COXFA4L2: variants seen among roughly 807,000 people sequenced by gnomAD.
COXFA4L2 encodes cytochrome c oxidase hypoxia associated subunit FA4L2.
the COXFA4L2 span, among the ~76,000 whole-genome samples, chr12:57,238,983 C>T: frequency 1.6e-3 from 238 of 152,326 alleles, 1 homozygote; most frequent in African/African-American, 5.5e-3. The surrounding 1 kb of genome is among the most constrained non-coding windows in gnomAD (Gnocchi z 6.8). Context: ...GGTTCCGGAT[C>T]CCATCTCTCC....
the COXFA4L2 span, among the ~76,000 whole-genome samples, chr12:57,239,391 C>T: frequency 6.6e-6 from 1 of 152,226 alleles, no homozygotes; most frequent in South Asian, 2.1e-4. This position sits in a 1 kb window ranked among gnomAD's most constrained non-coding sequence, Gnocchi z 5.5. Flanking sequence ...GACAGTGGGT[C>T]CTGCAGCCTC....
the COXFA4L2 span, chr12:57,235,486 G>C: frequency 3.0e-4 from 445 of 1,493,678 alleles, 2 homozygotes; most frequent in Non-Finnish European, 5.9e-5. Flanking sequence ...TGATGCCTTG[G>C]GGCCTGCGGG....
chr12:57,236,481 G>C, the COXFA4L2 span: 90 of 872,662 alleles, frequency 1.0e-4, 2 homozygotes, highest in South Asian at 1.7e-3. Context: ...GATGCCGGTC[G>C]GTACAGTCGA....
At chr12:57,239,164 G>A in the COXFA4L2 span, among the ~76,000 whole-genome samples, 2 of 152,244 alleles carry the variant, frequency 1.3e-5, no homozygotes, top group Non-Finnish European at 2.9e-5. The surrounding 1 kb of genome is among the most constrained non-coding windows in gnomAD (Gnocchi z 5.5). Context: ...CTGCACAGAG[G>A]GTCAAAGGCA....
the COXFA4L2 span, chr12:57,235,134 GC>G: frequency 5.0e-6 from 1 of 199,350 alleles, no homozygotes; most frequent in Non-Finnish European, 1.1e-5. Flanking sequence ...GCTGAGCAGC[GC>G]CGCCCCTGGG....
At chr12:57,237,208 C>T in the COXFA4L2 span, 1 of 1,564,828 alleles carries the variant, frequency 6.4e-7, no homozygotes, top group Non-Finnish European at 8.7e-7. Flanking sequence ...CCAGCCCGTG[C>T]TTCTTTGGAC....
chr12:57,235,779 C>T, the COXFA4L2 span: 1 of 1,574,708 alleles, frequency 6.4e-7, no homozygotes, highest in Non-Finnish European at 8.6e-7. Flanking sequence ...TCAGGCGGTT[C>T]CAGGGCTCCG....
chr12:57,237,816 T>TA, the COXFA4L2 span: 9 of 154,262 alleles, frequency 5.8e-5, no homozygotes, highest in Middle Eastern at 2.6e-3. Flanking sequence ...TGGGGTAGGG[T>TA]AAAGGTGGGG....
the COXFA4L2 span, chr12:57,235,368 G>C: frequency 1.6e-6 from 1 of 641,220 alleles, no homozygotes; most frequent in Non-Finnish European, 2.8e-6. Context: ...CCAAGGGTCA[G>C]AGGCGCTTCC....
chr12:57,240,588 C>A, the COXFA4L2 span: 6 of 854,166 alleles, frequency 7.0e-6, no homozygotes, highest in Non-Finnish European at 8.4e-6. Flanking sequence ...CACTCGCGCG[C>A]GCACGTGCGT....
At chr12:57,235,394 G>A in the COXFA4L2 span, 1 of 732,722 alleles carries the variant, frequency 1.4e-6, no homozygotes, top group Non-Finnish European at 2.4e-6. Context: ...TGGGAGCAAG[G>A]GAGGAGAGTA....
the COXFA4L2 span, chr12:57,240,605 G>C: frequency 3.2e-6 from 3 of 946,234 alleles, no homozygotes; most frequent in Non-Finnish European, 3.8e-6. Flanking sequence ...GCGTCACACT[G>C]TCATTCGGAT....
the COXFA4L2 span, chr12:57,236,130 C>T: frequency 8.5e-6 from 3 of 352,480 alleles, no homozygotes; most frequent in Non-Finnish European, 1.5e-5. Flanking sequence ...ACACAGATCC[C>T]AAGGGGCTGG....
the COXFA4L2 span, chr12:57,237,381 G>A: frequency 1.5e-6 from 2 of 1,357,038 alleles, no homozygotes; most frequent in Non-Finnish European, 1.9e-6. Flanking sequence ...GGCATCTGAG[G>A]GAAGGACCTC....
chr12:57,235,716 A>T, the COXFA4L2 span: 11 of 1,611,156 alleles, frequency 6.8e-6, no homozygotes, highest in African/African-American at 1.3e-4. Flanking sequence ...AGATAAGAGG[A>T]TGGGGGGCAA....
the COXFA4L2 span, chr12:57,236,952 G>A: frequency 6.3e-7 from 1 of 1,584,076 alleles, no homozygotes; most frequent in African/African-American, 1.3e-5. Context: ...TGGGCACAAG[G>A]CAAGGCATTG....
the COXFA4L2 span, chr12:57,236,942 T>C: frequency 6.4e-7 from 1 of 1,561,834 alleles, no homozygotes; most frequent in Non-Finnish European, 8.8e-7. Flanking sequence ...CTGAGGGACC[T>C]GGGCACAAGG....
chr12:57,240,650 C>T, the COXFA4L2 span: 1 of 984,664 alleles, frequency 1.0e-6, no homozygotes, highest in Non-Finnish European at 1.2e-6. Context: ...CAGGCACACG[C>T]CTACGCACTG....
At chr12:57,237,396 G>A in the COXFA4L2 span, 2 of 1,302,422 alleles carry the variant, frequency 1.5e-6, no homozygotes, top group African/African-American at 3.0e-5. Context: ...GACCTCAGTG[G>A]CATAGGACCC....
Sources: gnomAD v4.1 joint callset for allele counts (sites outside exome capture counted in the v4.1 genomes callset) on GRCh38, gnomAD v4.1.1 for gene constraint, Gnocchi (gnomAD v3.1) non-coding constraint, MANE v1.5 for transcripts, NCBI Gene and HGNC (gene_info 2026-07-23, HGNC 2026-07-21) for gene names.